Variants in SYT1 observed in about 807,000 individuals in gnomAD.
The protein encoded by SYT1 is synaptotagmin-1.
Under a neutral mutation model 44.8 loss-of-function variants are expected in SYT1, and 8 were observed. The ratio of observed to expected loss-of-function variants is 0.18; its 90% CI spans 0.10 to 0.32. The LOEUF (loss-of-function observed/expected upper bound fraction) is 0.32, where lower values mean the gene tolerates loss of function less well. SYT1 is among the 10% of genes least tolerant of loss of function. The pLI, the probability that SYT1 is intolerant of heterozygous loss-of-function variation, is 1.00. For missense variants in SYT1, 286 were observed against 509.3 expected, an observed-to-expected ratio of 0.56 and a Z score of 4.22; for synonymous variants, 154 against 188.8, an observed-to-expected ratio of 0.82 and a Z score of 1.51.
intron 4 of SYT1, among the ~76,000 whole-genome samples, chr12:79,228,680 A>C (rs1875672587): frequency 6.6e-6 from 1 of 152,242 alleles, no homozygotes; most frequent in East Asian, 1.9e-4. Flanking sequence ...TAGCCATTCA[A>C]ATAAAAAAAT....
intron 3 of SYT1, among the ~76,000 whole-genome samples, chr12:79,122,328 C>A (rs1286704156): frequency 3.3e-5 from 5 of 151,132 alleles, no homozygotes; most frequent in African/African-American, 9.7e-5. Flanking sequence ...TCCTGGCTAA[C>A]ACGGTGAAAC....
rs377566583 is a variant in SYT1 at position 79,308,591 on chromosome 12, G to GA, written c.810+9042dup. Among the ~76,000 whole-genome samples the GA allele has an allele frequency of 4.3e-3, 473 of 110,396 alleles. 2 individuals carry two copies. Among genetic ancestry groups the GA allele is most frequent in the African/African-American group, 0.014 (395 of 29,216 alleles). The allele number at this position is 110,396 out of a possible 152,430, so 72.4% of individuals were successfully genotyped here. ...AAAGAAAGAAAAGAAGGAAAAGAAA[G>GA]AAGAAAGAAAGAAAGAAAGAAAAAG... On this transcript the variant is annotated intron_variant, in intron 8 of 10. Coordinates refer to ENST00000261205, the MANE Select transcript of SYT1 (RefSeq NM_005639.3).
intron 3 of SYT1, among the ~76,000 whole-genome samples, chr12:79,190,434 C>CCA (rs902371781): frequency 7.2e-5 from 11 of 151,800 alleles, no homozygotes; most frequent in African/African-American, 2.4e-4. Flanking sequence ...ATCAAAACAC[C>CCA]CACACACACA....
At chr12:79,152,942 T>C (rs61927303) in intron 3 of SYT1, among the ~76,000 whole-genome samples, 13,022 of 151,408 alleles carry the variant, frequency 0.086, 665 homozygotes, top group African/African-American at 0.14. Context: ...CCCATTATTA[T>C]TATCCTTCTC....
chr12:79,207,493 T>C (rs1168410829), intron 3 of SYT1, among the ~76,000 whole-genome samples: 1 of 152,214 alleles, frequency 6.6e-6, no homozygotes, highest in East Asian at 1.9e-4. Flanking sequence ...AAGTCCCTCA[T>C]GCATTAGCTG....
chr12:79,386,857 A>C (rs535318839), intron 9 of SYT1, among the ~76,000 whole-genome samples: 2 of 151,858 alleles, frequency 1.3e-5, no homozygotes, highest in South Asian at 4.2e-4. Context: ...GTGACCTCCT[A>C]CTTCACTTCT....
At chr12:79,402,758 A>G (rs1401364024) in intron 9 of SYT1, among the ~76,000 whole-genome samples, 1 of 152,206 alleles carries the variant, frequency 6.6e-6, no homozygotes, top group Non-Finnish European at 1.5e-5. Flanking sequence ...AAGACACCAT[A>G]TCCATCCATA....
At chr12:78,919,747 C>T (rs1389084163) in intron 1 of SYT1, among the ~76,000 whole-genome samples, 1 of 151,996 alleles carries the variant, frequency 6.6e-6, no homozygotes, top group Non-Finnish European at 1.5e-5. Context: ...AAATGTCCTG[C>T]ACATGAAATG....
At chr12:79,222,699 C>G (rs979086416) in intron 4 of SYT1, among the ~76,000 whole-genome samples, 3 of 152,034 alleles carry the variant, frequency 2.0e-5, no homozygotes, top group Admixed American at 2.0e-4. Context: ...AAATAAGCTC[C>G]CCACTCTTTG....
At chr12:79,281,001 A>G (rs1007155249) in intron 4 of SYT1, among the ~76,000 whole-genome samples, 1 of 151,218 alleles carries the variant, frequency 6.6e-6, no homozygotes, top group Non-Finnish European at 1.5e-5. Flanking sequence ...AAAAAAAAAT[A>G]GATACTGGCA....
At chr12:79,121,406 G>A (rs1261964378) in intron 3 of SYT1, among the ~76,000 whole-genome samples, 1 of 152,134 alleles carries the variant, frequency 6.6e-6, no homozygotes, top group Non-Finnish European at 1.5e-5. Context: ...AACATCTTAT[G>A]AATAATCTTA....
intron 3 of SYT1, among the ~76,000 whole-genome samples, chr12:79,111,415 C>G (rs1879003154): frequency 6.6e-6 from 1 of 151,994 alleles, no homozygotes; most frequent in Non-Finnish European, 1.5e-5. Flanking sequence ...TTGATCTCTT[C>G]TAGACTATCA....
intron 3 of SYT1, among the ~76,000 whole-genome samples, chr12:79,113,997 A>T (rs1033960245): frequency 2.6e-5 from 4 of 152,186 alleles, no homozygotes; most frequent in Non-Finnish European, 4.4e-5. Flanking sequence ...AGGAAGCATG[A>T]CATATGTTGA....
intron 3 of SYT1, among the ~76,000 whole-genome samples, chr12:79,164,693 C>T (rs1049437063): frequency 6.6e-6 from 1 of 151,956 alleles, no homozygotes; most frequent in African/African-American, 2.4e-5. Flanking sequence ...AGAGGCTGTG[C>T]AGTAACAGGC....
intron 3 of SYT1, among the ~76,000 whole-genome samples, chr12:79,188,222 T>G (rs899213293): frequency 1.3e-5 from 2 of 152,104 alleles, no homozygotes; most frequent in African/African-American, 2.4e-5. Context: ...AAACTCAACA[T>G]ACCAGAATAT....
At chr12:78,976,496 A>G (rs1868844240) in intron 1 of SYT1, 1 of 152,158 alleles carries the variant, frequency 6.6e-6, no homozygotes, top group African/African-American at 2.4e-5. Flanking sequence ...ATTCCAATCC[A>G]CTGGTTGGCG....
intron 9 of SYT1, among the ~76,000 whole-genome samples, chr12:79,379,527 G>T (rs1884134580): frequency 2.0e-5 from 3 of 152,130 alleles, no homozygotes; most frequent in Non-Finnish European, 2.9e-5. Context: ...AAGCCTCCCG[G>T]TATTTTATGG....
chr12:79,084,291 A>G (rs183331254), intron 3 of SYT1, among the ~76,000 whole-genome samples: 1 of 152,268 alleles, frequency 6.6e-6, no homozygotes, highest in East Asian at 1.9e-4. Context: ...TCATCTAGAT[A>G]TTATTAAAAT....
chr12:79,034,917 A>T (rs1231621228), intron 2 of SYT1, among the ~76,000 whole-genome samples: 1 of 151,686 alleles, frequency 6.6e-6, no homozygotes, highest in Non-Finnish European at 1.5e-5. Flanking sequence ...GTAATTTAGC[A>T]TGAGAAGTTG....
Sources: gnomAD v4.1 joint callset for allele counts (sites outside exome capture counted in the v4.1 genomes callset) on GRCh38, gnomAD v4.1.1 for gene constraint, MANE v1.5 for transcripts, NCBI Gene and HGNC (gene_info 2026-07-23, HGNC 2026-07-21) for gene names.